CFHR4: variants seen among roughly 807,000 people sequenced by gnomAD.
The protein encoded by CFHR4 is complement factor H-related protein 4.
CFHR4 carries 64 observed loss-of-function variants against 69.3 expected under a neutral mutation model. The ratio of observed to expected loss-of-function variants is 0.92; its 90% CI spans 0.76 to 1.14. The LOEUF (loss-of-function observed/expected upper bound fraction) is 1.14, where lower values mean the gene tolerates loss of function less well. CFHR4 is among the 50% of genes most tolerant of loss of function. The pLI, the probability that CFHR4 is intolerant of heterozygous loss-of-function variation, is 0.00. For missense variants in CFHR4, 636 were observed against 684.9 expected (o/e 0.93, Z 0.80); for synonymous variants, 244 against 237.0 (o/e 1.03, Z -0.27).
At chr1:196,916,966 G>A (rs1360544800) in intron 9 of CFHR4, among the ~76,000 whole-genome samples, 1 of 151,524 alleles carries the variant, frequency 6.6e-6, no homozygotes, top group African/African-American at 2.4e-5. Flanking sequence ...AACTTTCCCA[G>A]GCAGCAGGAA....
At chr1:196,906,465 T>C (rs1208829943) in intron 3 of CFHR4, among the ~76,000 whole-genome samples, 2 of 151,366 alleles carry the variant, frequency 1.3e-5, no homozygotes, top group Non-Finnish European at 2.9e-5. Flanking sequence ...ATCCAACTTA[T>C]AAACCCTGTC....
chr1:196,906,833 A>G, intron 3 of CFHR4, 28 bp from the exon 4 acceptor site: 2 of 1,591,850 alleles, frequency 1.3e-6, no homozygotes, highest in South Asian at 1.1e-5. Context: ...GGCATAGAAA[A>G]GCAATCCTCA....
At position 196,905,173 on chromosome 1, in the gene CFHR4, A is replaced by T; in HGVS notation, c.322A>T (p.Ile108Phe). 3 of 1,609,314 alleles carry T rather than the reference A, an allele frequency of 1.9e-6. No individual in the cohort carries two copies. The highest frequency in any genetic ancestry group is 1.7e-6 in the Non-Finnish European group (2 of 1,177,882). ...GFISESSSIY[I>F]LNEETQYNCK... ...CATTTCTGAATCTTCCTCTATTTAT[A>T]TTTTAAATGAAGAAACACAATATAA... Residue 108 changes from isoleucine (I) to phenylalanine (F), a missense_variant, in exon 3 of 10, where the codon ATT becomes TTT. Coordinates refer to ENST00000608469, the MANE Select transcript of CFHR4 (RefSeq NM_001201550.3).
chr1:196,918,295 A>C lies in CFHR4; in HGVS notation c.1626A>C (p.Thr542=), dbSNP rs1189339699. 3.7e-6 allele frequency: 6 copies of C among 1,609,792 alleles called. No individual in the cohort carries two copies. The highest frequency in any genetic ancestry group is 1.7e-4 in the Middle Eastern group (1 of 6,042). Residue 542 remains threonine (T), a synonymous_variant, in exon 10 of 10, where the codon ACA becomes ACC. Coordinates refer to ENST00000608469, the MANE Select transcript of CFHR4 (RefSeq NM_001201550.3). ...GTGACATAAAATATTATGCAAAAAC[A>C]GGGGATACCATTGAATTTATGTGTA... The part of the protein sequence containing the change: ...GKSDIKYYAK[T]GDTIEFMCKL...
chr1:196,905,963 G>A (rs1451159928), intron 3 of CFHR4, among the ~76,000 whole-genome samples: 1 of 151,400 alleles, frequency 6.6e-6, no homozygotes, highest in Non-Finnish European at 1.5e-5. Flanking sequence ...ATGAACAATG[G>A]AAACCTTGCA....
intron 1 of CFHR4, among the ~76,000 whole-genome samples, chr1:196,894,827 G>A (rs886348140): frequency 6.6e-6 from 1 of 151,140 alleles, no homozygotes; most frequent in East Asian, 1.9e-4. Flanking sequence ...TGAATGGGGA[G>A]AGTTGCTTGA....
intron 1 of CFHR4, among the ~76,000 whole-genome samples, chr1:196,889,224 G>A (rs1415039607): frequency 1.3e-5 from 2 of 151,276 alleles, no homozygotes; most frequent in African/African-American, 4.9e-5. Flanking sequence ...ACAGCTTTAG[G>A]TTTTACAGTA....
At chr1:196,902,709 T>A (rs1303859732) in intron 2 of CFHR4, 94 bp downstream of exon 2, 1 of 945,994 alleles carries the variant, frequency 1.1e-6, no homozygotes, top group East Asian at 2.5e-5. Flanking sequence ...ATAACAGAAA[T>A]AGGACCAAAG....
At chr1:196,909,253 C>A (rs1257835323) in intron 5 of CFHR4, among the ~76,000 whole-genome samples, 1 of 151,284 alleles carries the variant, frequency 6.6e-6, no homozygotes, top group Admixed American at 6.6e-5. Context: ...GACATAAGAT[C>A]AGTTCCATGA....
rs544384164 is a variant in CFHR4, at chr1:196,911,175, C to G, written c.997+697C>G. ...AAAATTTTGTATATCAACTCTCAAG[C>G]TGAATATATGTCTTTTTTATTTTTA... On this transcript the variant is annotated intron_variant, in intron 6 of 9. Transcript: ENST00000608469. Among the ~76,000 whole-genome samples, 39 of 151,668 alleles carry G rather than the reference C, an allele frequency of 2.6e-4. 1 individual carries two copies. In the South Asian group the frequency reaches 5.6e-3, roughly 22 times the overall value.
At chr1:196,908,862 CTT>C (rs1658072330) in intron 5 of CFHR4, among the ~76,000 whole-genome samples, 1 of 151,300 alleles carries the variant, frequency 6.6e-6, no homozygotes, top group South Asian at 2.1e-4. Flanking sequence ...TGACTCATTT[CTT>C]TTATTTTGAT....
chr1:196,902,718 A>G, intron 2 of CFHR4, 103 bp downstream of exon 2: 1 of 870,496 alleles, frequency 1.1e-6, no homozygotes, highest in Non-Finnish European at 1.8e-6. Context: ...ATAGGACCAA[A>G]GGAAGAGTTG....
intron 1 of CFHR4, 144 bp downstream of exon 1, chr1:196,888,352 A>G (rs1293516118): frequency 9.8e-6 from 7 of 717,830 alleles, no homozygotes; most frequent in Admixed American, 2.9e-5. Context: ...TTGTGAGAGT[A>G]TAACAGAAAT....
intron 1 of CFHR4, among the ~76,000 whole-genome samples, chr1:196,896,962 A>G (rs1260945117): frequency 1.3e-5 from 2 of 151,596 alleles, no homozygotes; most frequent in Non-Finnish European, 2.9e-5. Flanking sequence ...TTTGTTACAT[A>G]TGTATAAATA....
intron 6 of CFHR4, among the ~76,000 whole-genome samples, chr1:196,910,852 A>T (rs1174943630): frequency 1.3e-5 from 2 of 151,562 alleles, no homozygotes; most frequent in Non-Finnish European, 2.9e-5. Flanking sequence ...ATTTTAATAT[A>T]CTATTTTGAT....
chr1:196,888,103 C>G lies in CFHR4; in HGVS notation c.-48C>G. The G allele has an allele frequency of 6.4e-7, 1 of 1,573,380 alleles. No individual in the cohort carries two copies. The highest frequency in any genetic ancestry group is 2.3e-5 in the East Asian group (1 of 44,418). On this transcript the variant is annotated 5_prime_UTR_variant, in exon 1 of 10. Coordinates refer to ENST00000608469, the MANE Select transcript of CFHR4 (RefSeq NM_001201550.3). ...ATAATGAAAGATTTCAAACCCCAAA[C>G]AGTGCAACTGAAACTTTTGCATTAC... is the stretch of plus-strand genomic sequence containing the variant.
chr1:196,911,477 C>G (rs9427922), intron 6 of CFHR4, among the ~76,000 whole-genome samples: 1 of 150,930 alleles, frequency 6.6e-6, no homozygotes, highest in Non-Finnish European at 1.5e-5. Flanking sequence ...TCTCTCACAA[C>G]TATGTCATAT....
rs1657691648 is a variant in CFHR4, at chr1:196,902,683, G to A, written c.256+68G>A. ...AAGAGTGAGAGAACAGCAAATAAATGATTATATTGTCTTATATAACAGAAA... is the reference window on the plus strand; with the variant it reads ...AAGAGTGAGAGAACAGCAAATAAATAATTATATTGTCTTATATAACAGAAA... On this transcript the variant is annotated intron_variant, in intron 2 of 9. Transcript: ENST00000608469. 3.3e-6 allele frequency: 4 copies of A among 1,202,976 alleles called. No individual in the cohort carries two copies. In the East Asian group the frequency reaches 7.0e-5, roughly 21 times the overall value. The allele number at this position is 1,202,976 out of a possible 1,614,324, so 74.5% of individuals were successfully genotyped here.
intron 9 of CFHR4, among the ~76,000 whole-genome samples, 177 bp downstream of exon 9, chr1:196,915,315 T>C (rs1211135835): frequency 6.6e-6 from 1 of 151,228 alleles, no homozygotes; most frequent in Non-Finnish European, 1.5e-5. Context: ...GAAAATTCCA[T>C]GTAAACAATG....
Sources: gnomAD v4.1 joint callset for allele counts (sites outside exome capture counted in the v4.1 genomes callset) on GRCh38, gnomAD v4.1.1 for gene constraint, MANE v1.5 for transcripts, NCBI Gene and HGNC (gene_info 2026-07-23, HGNC 2026-07-21) for gene names.